ERBB4: variants seen among roughly 807,000 people sequenced by gnomAD.
The protein encoded by ERBB4 is erb-b2 receptor tyrosine kinase 4, also known as receptor tyrosine-protein kinase erbB-4.
Under a neutral mutation model 158.0 loss-of-function variants are expected in ERBB4, and 42 were observed. The observed-to-expected ratio is 0.27, with a 90% confidence interval of 0.21 to 0.34. ERBB4 has a LOEUF of 0.34. Among genes scored for constraint, ERBB4 ranks in the 10% least tolerant of loss-of-function variants. The pLI is 1.00. For synonymous variants in ERBB4, 583 were observed against 558.7 expected, an observed-to-expected ratio of 1.04 and a Z score of -0.61; for missense variants, 1,333 against 1,624.1, an observed-to-expected ratio of 0.82 and a Z score of 3.08.
At chr2:212,433,098 TAG>T (rs2092065440) in intron 1 of ERBB4, among the ~76,000 whole-genome samples, 1 of 152,040 alleles carries the variant, frequency 6.6e-6, no homozygotes, top group South Asian at 2.1e-4. Context: ...TACTACAGTA[TAG>T]AGAGTTACAT....
intron 1 of ERBB4, among the ~76,000 whole-genome samples, chr2:212,449,382 T>G: frequency 6.6e-6 from 1 of 152,198 alleles, no homozygotes; most frequent in East Asian, 1.9e-4. Flanking sequence ...TAGCTGCTTT[T>G]GGTAATTTGT....
intron 1 of ERBB4, among the ~76,000 whole-genome samples, chr2:212,174,015 G>C (rs1461719665): frequency 1.3e-5 from 2 of 152,048 alleles, no homozygotes; most frequent in Non-Finnish European, 2.9e-5. Context: ...GGCTGCTACT[G>C]TTCCCATTAA....
intron 16 of ERBB4, among the ~76,000 whole-genome samples, chr2:211,646,304 ATTAATC>A (rs2070781105): frequency 1.3e-5 from 2 of 151,302 alleles, no homozygotes; most frequent in South Asian, 4.1e-4. Flanking sequence ...TTAAAAAAGA[ATTAATC>A]TTAAAAAACA....
At position 211,387,956 on chromosome 2, in the gene ERBB4, G is replaced by T. The variant is rs2062721597; in HGVS notation, c.3172C>A (p.Pro1058Thr). 13 of 1,608,900 alleles carry T rather than the reference G, an allele frequency of 8.1e-6. 1 individual carries two copies. Among genetic ancestry groups the T allele is most frequent in the Non-Finnish European group, 1.0e-5 (12 of 1,175,326 alleles). The change falls in exon 26 of 28, where the codon CCC becomes ACC. Residue 1058 changes from proline (P) to threonine (T), a missense_variant. Transcript: ENST00000342788. The part of the protein sequence containing the change: ...IGHSPPPAYT[P>T]MSGNQFVYRD... Reference sequence around the variant, plus strand: ...TGTGAAATACTTACTCCTGACATGGGGGTGTAGGCAGGAGGAGGGCTGTGT... The same window carrying T: ...TGTGAAATACTTACTCCTGACATGGTGGTGTAGGCAGGAGGAGGGCTGTGT...
At chr2:212,345,146 A>G (rs916635104) in intron 1 of ERBB4, among the ~76,000 whole-genome samples, 18 of 151,540 alleles carry the variant, frequency 1.2e-4, no homozygotes, top group Admixed American at 3.9e-4. Flanking sequence ...GGCGCCTGTA[A>G]TCCCAGCTAC....
Position 211,623,010 on chromosome 2 carries a change from T to A in ERBB4, c.2202+912A>T, listed in dbSNP as rs868109746. ...AAAAAAATATATATATATATATATA[T>A]ATATATATATATATATATATATATA... is the stretch of plus-strand genomic sequence containing the variant. On this transcript the variant is annotated intron_variant, in intron 18 of 27. Coordinates refer to ENST00000342788, the MANE Select transcript of ERBB4 (RefSeq NM_005235.3). Among the ~76,000 whole-genome samples the A allele has an allele frequency of 4.6e-4, 22 of 47,944 alleles. 1 individual carries two copies. The highest frequency in any genetic ancestry group is 9.4e-4 in the African/African-American group (7 of 7,414). The allele number at this position is 47,944 out of a possible 152,430, so 31.5% of individuals were successfully genotyped here.
At chr2:212,414,175 T>A (rs2091584221) in intron 1 of ERBB4, among the ~76,000 whole-genome samples, 1 of 152,204 alleles carries the variant, frequency 6.6e-6, no homozygotes, top group African/African-American at 2.4e-5. Context: ...TGACTGCTAT[T>A]AAAAATCTTT....
In ERBB4 at chr2:212,073,755, C is replaced by T. The variant is rs79823522; in HGVS notation, c.234+50997G>A. ...CAATATATGTAATTTATCCATCAGA[C>T]TTGAACAAGTAAATCAGAAAAGATG... is the stretch of plus-strand genomic sequence containing the variant. On this transcript the variant is annotated intron_variant, in intron 2 of 27. Transcript: ENST00000342788. Among the ~76,000 whole-genome samples the T allele has an allele frequency of 9.4e-3, 1,432 of 152,002 alleles. 123 individuals are homozygous for T. The East Asian group carries it at 0.21, about 22-fold the overall frequency.
chr2:212,079,385 A>G (rs143116535), intron 2 of ERBB4, among the ~76,000 whole-genome samples: 10 of 152,212 alleles, frequency 6.6e-5, no homozygotes, highest in Non-Finnish European at 1.3e-4. Flanking sequence ...CAAAAGAACA[A>G]ATATATATCC....
At chr2:211,678,434 C>G (rs908400381) in intron 13 of ERBB4, among the ~76,000 whole-genome samples, 1 of 152,044 alleles carries the variant, frequency 6.6e-6, no homozygotes, top group Non-Finnish European at 1.5e-5. Context: ...TAACAATCCC[C>G]TTCATAAAGA....
chr2:211,397,245 T>C (rs1329095504), intron 25 of ERBB4, among the ~76,000 whole-genome samples: 2 of 152,094 alleles, frequency 1.3e-5, no homozygotes, highest in Non-Finnish European at 2.9e-5. Flanking sequence ...AGGAAAAACA[T>C]ACAAAGCATT....
chr2:211,418,389 T>C (rs1316870828), intron 25 of ERBB4, among the ~76,000 whole-genome samples: 1 of 152,116 alleles, frequency 6.6e-6, no homozygotes, highest in African/African-American at 2.4e-5. Flanking sequence ...TGCCTGAACA[T>C]AAAATGATAC....
At chr2:211,510,669 G>C (rs180903198) in intron 20 of ERBB4, among the ~76,000 whole-genome samples, 9 of 151,946 alleles carry the variant, frequency 5.9e-5, no homozygotes, top group African/African-American at 2.2e-4. Flanking sequence ...ATCTCTCTCT[G>C]AAAAGCTGTA....
At chr2:211,625,590 T>C (rs1574879615) in intron 17 of ERBB4, among the ~76,000 whole-genome samples, 2 of 152,304 alleles carry the variant, frequency 1.3e-5, no homozygotes, top group African/African-American at 4.8e-5. Context: ...AGAACTGCAT[T>C]CAAGTCACAT....
At chr2:211,964,169 A>G (rs548207968) in intron 2 of ERBB4, among the ~76,000 whole-genome samples, 28 of 152,296 alleles carry the variant, frequency 1.8e-4, no homozygotes, top group African/African-American at 6.7e-4. Flanking sequence ...TTACACTCCC[A>G]GCGGTGAGGT....
intron 1 of ERBB4, among the ~76,000 whole-genome samples, chr2:212,494,173 CAT>C (rs1424358551): frequency 1.3e-5 from 2 of 151,794 alleles, no homozygotes; most frequent in Non-Finnish European, 2.9e-5. Flanking sequence ...CAACAACACA[CAT>C]ATGTCTATCA....
intron 27 of ERBB4, among the ~76,000 whole-genome samples, chr2:211,384,448 A>C (rs2125313114): frequency 6.6e-6 from 1 of 152,300 alleles, no homozygotes; most frequent in South Asian, 2.1e-4. Flanking sequence ...AGACAACTTA[A>C]CTTCTATAAA....
intron 4 of ERBB4, among the ~76,000 whole-genome samples, chr2:211,768,649 T>A (rs1441484861): frequency 6.6e-6 from 1 of 152,226 alleles, no homozygotes; most frequent in African/African-American, 2.4e-5. Flanking sequence ...TCTGAAGCCA[T>A]GTCCTGAACT....
At chr2:212,185,257 A>C (rs1559683424) in intron 1 of ERBB4, among the ~76,000 whole-genome samples, 1 of 151,770 alleles carries the variant, frequency 6.6e-6, no homozygotes, top group Non-Finnish European at 1.5e-5. Context: ...CCTGGCCTCA[A>C]TTGATCTGCT....
Sources: gnomAD v4.1 joint callset for allele counts (sites outside exome capture counted in the v4.1 genomes callset) on GRCh38, gnomAD v4.1.1 for gene constraint, MANE v1.5 for transcripts, NCBI Gene and HGNC (gene_info 2026-07-23, HGNC 2026-07-21) for gene names.